RRM2B: variants seen among roughly 807,000 people sequenced by gnomAD.
RRM2B encodes ribonucleoside-diphosphate reductase subunit M2 B.
In RRM2B, 20 loss-of-function variants were observed where a neutral mutation model predicts 45.9. That is an observed-to-expected ratio of 0.44 (90% CI 0.31 to 0.63). The LOEUF (loss-of-function observed/expected upper bound fraction) is 0.63, where lower values mean the gene tolerates loss of function less well. RRM2B is among the 30% of genes least tolerant of loss of function. The pLI is 0.09. For synonymous variants in RRM2B, 124 were observed against 132.3 expected (o/e 0.94, Z 0.43); for missense variants, 320 against 414.7 (o/e 0.77, Z 1.98).
chr8:102,225,852 C>A, intron 3 of RRM2B, 66 bp downstream of exon 3: 2 of 882,040 alleles, frequency 2.3e-6, no homozygotes, highest in Non-Finnish European at 3.9e-6. Context: ...ATTTAATAAT[C>A]TTACTGACAT....
intron 2 of RRM2B, among the ~76,000 whole-genome samples, chr8:102,229,121 C>T (rs1303127388): frequency 1.3e-4 from 20 of 152,098 alleles, no homozygotes; most frequent in African/African-American, 4.3e-4. Flanking sequence ...GGCATGGTGG[C>T]GCATGCCTGT....
intron 1 of RRM2B, among the ~76,000 whole-genome samples, chr8:102,236,152 CTT>C (rs1239256974): frequency 6.6e-6 from 1 of 152,172 alleles, no homozygotes; most frequent in African/African-American, 2.4e-5. Flanking sequence ...GATCTAGACT[CTT>C]AAGATAAATC....
At chr8:102,238,616 G>A in intron 1 of RRM2B, 1 of 1,530,446 alleles carries the variant, frequency 6.5e-7, no homozygotes, top group Non-Finnish European at 8.7e-7. Context: ...AGCAGCGAGC[G>A]GGACGCAAAC....
chr8:102,220,044 G>C (rs1009547190), intron 5 of RRM2B, among the ~76,000 whole-genome samples: 1 of 152,188 alleles, frequency 6.6e-6, no homozygotes, highest in Non-Finnish European at 1.5e-5. Flanking sequence ...TTAGAGACCA[G>C]CCTGGGCAAC....
chr8:102,232,231 C>A lies in RRM2B; in HGVS notation c.122G>T (p.Arg41Leu). 1 of 1,613,974 alleles carries A rather than the reference C, an allele frequency of 6.2e-7. No individual in the cohort carries two copies. The highest frequency in any genetic ancestry group is 8.5e-7 in the Non-Finnish European group (1 of 1,179,888). The change falls in exon 2 of 9, where the codon CGG becomes CTG. Residue 41 changes from arginine to leucine, a missense_variant. Physicochemically the swap from Arg to Leu is moderately radical, Grantham distance 102. This residue lies in a region of RRM2B where 225 missense variants were observed against 289.4 expected (regional missense o/e 0.78). Transcript: ENST00000251810. ...GTACTGGATTGGAAAGATGACAAAC[C>A]GGCGAGAACTCTTTCTTAGGAGTGG... The part of the protein sequence containing the change: ...EEPLLRKSSR[R>L]FVIFPIQYPD...
chr8:102,224,882 T>C lies in RRM2B; in HGVS notation c.455+3A>G, dbSNP rs747172692. 1.2e-6 allele frequency: 2 copies of C among 1,612,824 alleles called. No homozygotes were observed. Among genetic ancestry groups the C allele is most frequent in the Non-Finnish European group, 8.5e-7 (1 of 1,178,872 alleles). Reference sequence around the variant, plus strand: ...TATTTTGTAAATAAAATCCCAACAATACCTTTTCTTGGGATCTCTGATGTA... The same window carrying C: ...TATTTTGTAAATAAAATCCCAACAACACCTTTTCTTGGGATCTCTGATGTA... On this transcript the variant is annotated splice_donor_region_variant and intron_variant, in intron 4 of 8. Transcript: ENST00000251810.
In RRM2B at chr8:102,238,918, T is replaced by G; in HGVS notation, c.-44A>C. ...GCTACGGGCGCTGAGGGAACTGAGC[T>G]CCTCAGGCCACCTCCAACTACGACA... On this transcript the variant is annotated 5_prime_UTR_variant, in exon 1 of 9. Coordinates refer to ENST00000251810, the MANE Select transcript of RRM2B (RefSeq NM_015713.5). The G allele has an allele frequency of 1.3e-6, 2 of 1,596,186 alleles. No homozygotes were observed. Among genetic ancestry groups the G allele is most frequent in the South Asian group, 1.1e-5 (1 of 90,772 alleles).
At chr8:102,213,004 T>C in intron 7 of RRM2B, 115 bp from the exon 8 acceptor site, 3 of 692,772 alleles carry the variant, frequency 4.3e-6, no homozygotes, top group Non-Finnish European at 7.9e-6. Context: ...AAGGAAAGTA[T>C]ATTAGGATAA....
At chr8:102,233,319 C>T (rs1811065894) in intron 1 of RRM2B, among the ~76,000 whole-genome samples, 1 of 152,186 alleles carries the variant, frequency 6.6e-6, no homozygotes, top group South Asian at 2.1e-4. Context: ...TACAGGGGGG[C>T]TTGCGTGCTT....
chr8:102,219,312 G>A (rs571449300), intron 5 of RRM2B, among the ~76,000 whole-genome samples: 1 of 152,340 alleles, frequency 6.6e-6, no homozygotes, highest in Non-Finnish European at 1.5e-5. Flanking sequence ...GTACTGGAGA[G>A]TAGAAGGTAG....
At chr8:102,216,681 A>C (rs1040634045) in intron 6 of RRM2B, among the ~76,000 whole-genome samples, 1 of 152,132 alleles carries the variant, frequency 6.6e-6, no homozygotes, top group African/African-American at 2.4e-5. Context: ...TTAATATTGC[A>C]CCAGTAATAA....
intron 6 of RRM2B, among the ~76,000 whole-genome samples, chr8:102,214,534 T>C (rs1176991900): frequency 6.6e-6 from 1 of 151,786 alleles, no homozygotes; most frequent in East Asian, 1.9e-4. Flanking sequence ...TAATTAGTAT[T>C]TAAATAACAG....
At chr8:102,217,145 A>T (rs1217871269) in intron 6 of RRM2B, among the ~76,000 whole-genome samples, 3 of 152,156 alleles carry the variant, frequency 2.0e-5, no homozygotes, top group Non-Finnish European at 4.4e-5. Context: ...TTATACATTT[A>T]ACAAAACTAC....
chr8:102,223,430 T>C (rs1036114032), intron 5 of RRM2B, among the ~76,000 whole-genome samples: 2 of 152,192 alleles, frequency 1.3e-5, no homozygotes, highest in African/African-American at 4.8e-5. Flanking sequence ...CAGTGGCTCA[T>C]GCCTGCAGTC....
intron 5 of RRM2B, 117 bp from the exon 6 acceptor site, chr8:102,219,064 A>ATTT: frequency 9.0e-7 from 1 of 1,108,948 alleles, no homozygotes. Context: ...AAAATACACA[A>ATTT]GTTAGTGCCA....
At position 102,225,027 on chromosome 8, in the gene RRM2B, A is replaced by G; in HGVS notation, c.322-9T>C. The stretch of plus-strand genomic sequence containing the variant: ...TGACTAAAGCGCTCCACCTAAGAAG[A>G]TAAGGAAAATAGATATATCCAGTTC... On this transcript the variant is annotated splice_polypyrimidine_tract_variant and intron_variant, in intron 3 of 8. Coordinates refer to ENST00000251810, the MANE Select transcript of RRM2B (RefSeq NM_015713.5). 1.2e-6 allele frequency: 2 copies of G among 1,613,964 alleles called. No individual in the cohort carries two copies. Among genetic ancestry groups the G allele is most frequent in the Non-Finnish European group, 8.5e-7 (1 of 1,179,918 alleles).
At chr8:102,230,481 C>T (rs7836046) in intron 2 of RRM2B, among the ~76,000 whole-genome samples, 10,217 of 152,176 alleles carry the variant, frequency 0.067, 353 homozygotes, top group Middle Eastern at 0.14. Context: ...AAGCCACCTG[C>T]GTATTCCACT....
At chr8:102,224,178 T>C in intron 4 of RRM2B, 38 bp from the exon 5 acceptor site, 1 of 1,387,102 alleles carries the variant, frequency 7.2e-7, no homozygotes, top group Non-Finnish European at 1.0e-6. Flanking sequence ...AGTTATTCAC[T>C]TGTTTTTCTT....
intron 8 of RRM2B, among the ~76,000 whole-genome samples, chr8:102,211,854 T>C (rs544354244): frequency 1.3e-5 from 2 of 152,292 alleles, no homozygotes; most frequent in South Asian, 4.2e-4. Context: ...ACTTTTTCAT[T>C]AAGTACCTGG....
Sources: gnomAD v4.1 joint callset for allele counts (sites outside exome capture counted in the v4.1 genomes callset) on GRCh38, gnomAD v4.1.1 for gene constraint, gnomAD v4.1.1 regional missense constraint, MANE v1.5 for transcripts, NCBI Gene and HGNC (gene_info 2026-07-23, HGNC 2026-07-21) for gene names.